The following TSC2 variants were observed in gnomAD, a reference collection of about 807,000 sequenced individuals.
TSC2 encodes tuberin.
Under a neutral mutation model 202.2 loss-of-function variants are expected in TSC2, and 29 were observed. The observed-to-expected ratio is 0.14, with a 90% CI of 0.11 to 0.20. The LOEUF is 0.20. Among genes scored for constraint, TSC2 ranks in the 10% least tolerant of loss-of-function variants. The pLI is 1.00. For synonymous variants in TSC2, 1,349 were observed against 1,044.0 expected, an observed-to-expected ratio of 1.29 and a Z score of -5.63; for missense variants, 2,429 against 2,420.0, an observed-to-expected ratio of 1.00 and a Z score of -0.08.
chr16:2,080,696 G>T, intron 30 of TSC2: 1 of 347,486 alleles, frequency 2.9e-6, no homozygotes, highest in Non-Finnish European at 5.5e-6. Flanking sequence ...GTGTTAGCCA[G>T]GATGGTCTCA....
chr16:2,062,667 C>T (rs1014375010), intron 13 of TSC2, 67 bp downstream of exon 13: 38 of 1,503,512 alleles, frequency 2.5e-5, no homozygotes, highest in Admixed American at 7.8e-5. Context: ...GGGGCCCACC[C>T]GGGCTGGGTC....
At chr16:2,055,753 T>C (rs1233143391) in intron 6 of TSC2, 4 of 493,614 alleles carry the variant, frequency 8.1e-6, no homozygotes, top group Non-Finnish European at 1.5e-5. Flanking sequence ...TAGCCGGGCA[T>C]GGTGGTGGGA....
Position 2,060,672 on chromosome 16 carries a change from C to G in TSC2, c.978C>G (p.Ala326=), listed in dbSNP as rs1294670888. The G allele has an allele frequency of 1.9e-6, 3 of 1,613,966 alleles. No individual in the cohort carries two copies. In the Admixed American group the frequency reaches 5.0e-5, roughly 27 times the overall value. Residue 326 remains alanine, a splice_region_variant and synonymous_variant, in exon 11 of 42, where the codon GCC becomes GCG. Coordinates refer to ENST00000219476, the MANE Select transcript of TSC2 (RefSeq NM_000548.5). The part of the protein sequence containing the change: ...PTSVLPSFYQ[A]MACPNEVVSY... ...TGCTGGCCGGGCTCGTGTTCCAGGC[C>G]ATGGCATGTCCGAACGAGGTGGTGT...
chr16:2,066,998 G>A (rs1046174357), intron 16 of TSC2, among the ~76,000 whole-genome samples: 1 of 151,944 alleles, frequency 6.6e-6, no homozygotes, highest in Admixed American at 6.6e-5. Flanking sequence ...CATCACTTAC[G>A]TGTGACTGTC....
At chr16:2,074,760 C>G (rs2089028269) in intron 22 of TSC2, 1 of 373,370 alleles carries the variant, frequency 2.7e-6, no homozygotes, top group Admixed American at 3.8e-5. Flanking sequence ...GTCCCTTCCC[C>G]TCACCGCCTG....
chr16:2,085,431 G>T, intron 36 of TSC2, 109 bp downstream of exon 36: 1 of 1,190,946 alleles, frequency 8.4e-7, no homozygotes, highest in Non-Finnish European at 1.2e-6. Flanking sequence ...AACACTGCCG[G>T]GTCCCCTACA....
intron 10 of TSC2, among the ~76,000 whole-genome samples, 174 bp from the exon 11 acceptor site, chr16:2,060,496 G>A (rs571703252): frequency 1.3e-5 from 2 of 152,270 alleles, no homozygotes; most frequent in Admixed American, 6.5e-5. Flanking sequence ...CTGTGCTGGA[G>A]CATGTAGAAA....
chr16:2,052,220 G>C (rs890801391), intron 3 of TSC2, among the ~76,000 whole-genome samples: 23 of 150,612 alleles, frequency 1.5e-4, no homozygotes, highest in African/African-American at 5.7e-4. Flanking sequence ...AACGGTAAGA[G>C]TATTGTCAAT....
rs575892718 is a variant in TSC2, at chr16:2,071,561, C to T, written c.1891C>T (p.Leu631=). Residue 631 remains leucine, a synonymous_variant, in exon 18 of 42, where the codon CTG becomes TTG. Transcript: ENST00000219476. ...GGCCGACTCACTGCACCGCCTGGGC[C>T]TGCCCAACAAGGATGGAGTCGTGCG... ...LRADSLHRLG[L]PNKDGVVRFS... The T allele has an allele frequency of 6.2e-7, 1 of 1,613,624 alleles. No homozygotes were observed. Among genetic ancestry groups the T allele is most frequent in the Non-Finnish European group, 8.5e-7 (1 of 1,180,032 alleles).
chr16:2,078,706 C>T (rs1029664521), intron 26 of TSC2: 9 of 414,882 alleles, frequency 2.2e-5, no homozygotes, highest in South Asian at 6.5e-5. Flanking sequence ...GTGTGGCCTC[C>T]GCCTCTCTGC....
chr16:2,072,264 G>C lies in TSC2; in HGVS notation c.2121G>C (p.Lys707Asn), dbSNP rs2151316314. 6.2e-7 allele frequency: 1 copy of C among 1,614,136 alleles called. No individual in the cohort carries two copies. The highest frequency in any genetic ancestry group is 8.5e-7 in the Non-Finnish European group (1 of 1,180,046). The part of the protein sequence containing the change: ...LKQESDWKVL[K>N]LVLGRLPESL... ...AGGAGTCTGACTGGAAGGTGCTGAA[G>C]CTGGTTCTGGGCAGGCTGCCTGAGT... is the stretch of plus-strand genomic sequence containing the variant. The change falls in exon 20 of 42, where the codon AAG becomes AAC. Residue 707 changes from lysine (K) to asparagine (N), a missense_variant. Lys to Asn is a moderately conservative substitution (Grantham distance 94, BLOSUM62 0). Coordinates refer to ENST00000219476, the MANE Select transcript of TSC2 (RefSeq NM_000548.5).
chr16:2,088,458 G>C lies in TSC2; in HGVS notation c.5272G>C (p.Ala1758Pro), dbSNP rs1555441169. The C allele has an allele frequency of 2.5e-6, 4 of 1,612,828 alleles. No homozygotes were observed. Among genetic ancestry groups the C allele is most frequent in the Non-Finnish European group, 3.4e-6 (4 of 1,180,026 alleles). The stretch of plus-strand genomic sequence containing the variant: ...CCTCTGCCTTCAGATCTGCGAGGAA[G>C]CCGCCTACTCCAACCCCAGCCTACC... ...KRLRQRICEEAAYSNPSLPLV... is the reference protein window; with the variant it reads ...KRLRQRICEEPAYSNPSLPLV... Residue 1758 changes from alanine to proline, a missense_variant, in exon 42 of 42, where the codon GCC becomes CCC. Coordinates refer to ENST00000219476, the MANE Select transcript of TSC2 (RefSeq NM_000548.5).
At chr16:2,063,160 C>A in intron 14 of TSC2, 107 bp downstream of exon 14, 2 of 1,321,974 alleles carry the variant, frequency 1.5e-6, no homozygotes, top group Non-Finnish European at 2.1e-6. Flanking sequence ...CCTGGGACTT[C>A]GGTCCTGCCG....
At position 2,076,174 on chromosome 16, in the gene TSC2, G is replaced by T. The variant is rs587781683; in HGVS notation, c.2742+4G>T. On this transcript the variant is annotated splice_donor_region_variant and intron_variant, in intron 24 of 41. Transcript: ENST00000219476. The stretch of plus-strand genomic sequence containing the variant: ...TTTTGTCCCTTTCATCACTAAGGTG[G>T]GCTCAGGGCCGGTGAAGGCTGTGTC... 1 of 1,613,574 alleles carries T rather than the reference G, an allele frequency of 6.2e-7. No individual in the cohort carries two copies. Among genetic ancestry groups the T allele is most frequent in the Non-Finnish European group, 8.5e-7 (1 of 1,180,016 alleles).
intron 22 of TSC2, among the ~76,000 whole-genome samples, chr16:2,075,527 A>C (rs1243135587): frequency 1.4e-5 from 2 of 141,274 alleles, no homozygotes; most frequent in Non-Finnish European, 3.0e-5. Flanking sequence ...ACTCATCTCA[A>C]AAAAAAAAAA....
At chr16:2,073,456 C>T (rs1450531783) in intron 21 of TSC2, among the ~76,000 whole-genome samples, 23 of 152,228 alleles carry the variant, frequency 1.5e-4, no homozygotes, top group Admixed American at 9.2e-4. Flanking sequence ...CATGGCCCTC[C>T]GGGACGAGGA....
At chr16:2,058,632 C>T (rs576941381) in intron 9 of TSC2, 115 bp from the exon 10 acceptor site, 11 of 1,488,038 alleles carry the variant, frequency 7.4e-6, no homozygotes, top group East Asian at 2.5e-5. Flanking sequence ...TCCTGCCCCC[C>T]CCAAGCACAG....
At chr16:2,081,344 GGACTGTGA>G in intron 30 of TSC2, 1 of 566,666 alleles carries the variant, frequency 1.8e-6, no homozygotes, top group Non-Finnish European at 3.2e-6. Context: ...CCTTGGGTCC[GGACTGTGA>G]GGCTGTGGGC....
chr16:2,048,244 C>T (rs772102799), intron 1 of TSC2, 179 bp downstream of exon 1: 2 of 1,385,574 alleles, frequency 1.4e-6, no homozygotes, highest in African/African-American at 1.4e-5. Context: ...CTGCTGCAGG[C>T]GGCTCCGTGA....
Sources: allele counts gnomAD v4.1 joint callset (sites outside exome capture counted in the v4.1 genomes callset), GRCh38; gene constraint gnomAD v4.1.1; transcripts MANE v1.5; gene names NCBI Gene and HGNC (gene_info 2026-07-23, HGNC 2026-07-21).